The following GGT1 variants were observed in gnomAD, a reference collection of about 807,000 sequenced individuals.
GGT1 encodes the protein gamma-glutamyltransferase 1.
Under a neutral mutation model 56.0 loss-of-function variants are expected in GGT1, and 21 were observed. That is an observed-to-expected ratio of 0.38 (90% CI 0.27 to 0.54). The LOEUF is 0.54. GGT1 is among the 20% of genes least tolerant of loss of function. The pLI is 0.82. For missense variants in GGT1, 466 were observed against 787.0 expected, an observed-to-expected ratio of 0.59 and a Z score of 4.88; for synonymous variants, 238 against 342.6, an observed-to-expected ratio of 0.69 and a Z score of 3.37.
In GGT1 at chr22:24,605,083, G is replaced by GTATATTATATAATATGTATTATATTA. The variant is rs1245719560; in HGVS notation, c.-429+1575_-429+1600dup. On this transcript the variant is annotated intron_variant, in intron 1 of 15. Transcript: ENST00000400382. Reference sequence around the variant, plus strand: ...TTATATGTAATATATAATATATAAAGTATATTATATAATATGTATTATATT... The same window carrying GTATATTATATAATATGTATTATATTA: ...TTATATGTAATATATAATATATAAAGTATATTATATAATATGTATTATATTATATATTATATAATATGTATTATATT... Among the ~76,000 whole-genome samples the GTATATTATATAATATGTATTATATTA allele has an allele frequency of 3.1e-4, 5 of 16,052 alleles. 1 individual carries two copies. Among genetic ancestry groups the GTATATTATATAATATGTATTATATTA allele is most frequent in the South Asian group, 1.1e-3 (1 of 888 alleles). The allele number at this position is 16,052 out of a possible 152,430, so 10.5% of individuals were successfully genotyped here.
upstream of GGT1, chr22:24,589,863 G>A (rs753380913): frequency 6.2e-7 from 1 of 1,613,974 alleles, no homozygotes; most frequent in Non-Finnish European, 8.5e-7. Flanking sequence ...TCACAAGCAG[G>A]TCATGGGAGA....
chr22:24,608,501 T>C (rs1321352490), intron 2 of GGT1, among the ~76,000 whole-genome samples: 1 of 152,202 alleles, frequency 6.6e-6, no homozygotes, highest in Non-Finnish European at 1.5e-5. Context: ...CTGGGAGAGA[T>C]GAGGCCATGC....
At chr22:24,590,306 A>AG (rs201569152), upstream of GGT1, among the ~76,000 whole-genome samples, 1,536 of 152,144 alleles carry the variant, frequency 0.01, 26 homozygotes, top group African/African-American at 0.035. Context: ...TAAAAAAAAA[A>AG]TGTTTTGTAG....
chr22:24,610,440 C>T lies in GGT1; in HGVS notation c.-99C>T, dbSNP rs895936704. The T allele has an allele frequency of 6.0e-5, 10 of 167,114 alleles. No homozygotes were observed. In the East Asian group the frequency reaches 8.9e-4, roughly 15 times the overall value. 10.4% of individuals were successfully genotyped at this position (167,114 alleles called of 1,614,324 possible). On this transcript the variant is annotated 5_prime_UTR_variant, in exon 4 of 16. Transcript: ENST00000400382. ...CTTCAGCAGAGTGTGAGGGAGACCC[C>T]GGTTATTTCCTCAGCTATTTCCACC...
chr22:24,589,242 C>T, the GGT1 span: 5 of 1,267,494 alleles, frequency 3.9e-6, no homozygotes, highest in Non-Finnish European at 5.2e-6. Context: ...TCTGCAGGTG[C>T]TGTCAGCATG....
chr22:24,626,084 C>G lies in GGT1; in HGVS notation c.1021-1348C>G, dbSNP rs561284775. Among the ~76,000 whole-genome samples the G allele has an allele frequency of 4.4e-5, 6 of 136,554 alleles. No homozygotes were observed. In the East Asian group the frequency reaches 1.2e-3, roughly 27 times the overall value. The allele number at this position is 136,554 out of a possible 152,430, so 89.6% of individuals were successfully genotyped here. On this transcript the variant is annotated intron_variant, in intron 11 of 15. Transcript: ENST00000400382. ...CTCCGCTCACTGCAAGCTCCGCCTC[C>G]CAGGTTCACGCCATTCTCCTGCCTC... is the stretch of plus-strand genomic sequence containing the variant.
intron 9 of GGT1, 101 bp downstream of exon 9, chr22:24,621,171 A>G (rs2047388469): frequency 9.4e-6 from 14 of 1,483,544 alleles, no homozygotes; most frequent in Non-Finnish European, 1.3e-5. Context: ...CTGAGCCTGC[A>G]GGAAGTTCCT....
At chr22:24,589,817 TCAC>T, upstream of GGT1, 1 of 1,611,306 alleles carries the variant, frequency 6.2e-7, no homozygotes, top group Non-Finnish European at 8.5e-7. Context: ...CCTGCCAGCC[TCAC>T]CTTCTTGGGG....
intron 1 of GGT1, among the ~76,000 whole-genome samples, chr22:24,596,000 A>G (rs2045686329): frequency 6.6e-6 from 1 of 152,260 alleles, no homozygotes; most frequent in Admixed American, 6.5e-5. Context: ...GCTAGGAGGA[A>G]GGAAGCAGAT....
chr22:24,600,518 C>T (rs1359788453), upstream of GGT1, among the ~76,000 whole-genome samples: 8 of 152,202 alleles, frequency 5.3e-5, no homozygotes, highest in Non-Finnish European at 1.0e-4. Flanking sequence ...GAAGGGCCCA[C>T]GCACTTGGCC....
the GGT1 span, chr22:24,583,858 AGTGGTGG>A: frequency 2.2e-6 from 1 of 462,392 alleles, no homozygotes. Flanking sequence ...GCTTAGGGCC[AGTGGTGG>A]GCAGGGAGTC....
intron 11 of GGT1, 36 bp downstream of exon 11, chr22:24,623,952 G>A (rs766149044): frequency 1.1e-4 from 181 of 1,588,078 alleles, no homozygotes; most frequent in Non-Finnish European, 1.5e-4. Context: ...TGGGTGTGGG[G>A]CCTGCCATAG....
intron 1 of GGT1, chr22:24,594,907 C>T (rs572926672): frequency 1.3e-5 from 2 of 152,532 alleles, no homozygotes; most frequent in Non-Finnish European, 2.9e-5. Context: ...CTCCTCTTCC[C>T]CTGCAGCCTC....
rs373428404 is a variant in GGT1 at position 24,623,213 on chromosome 22, G to A, written c.840G>A (p.Pro280=). The A allele has an allele frequency of 1.3e-4, 210 of 1,599,260 alleles. No homozygotes were observed. In the African/African-American group the frequency reaches 1.7e-3, roughly 13 times the overall value. The part of the protein sequence containing the change: ...GDVVLYMPSA[P]LSGPVLALIL... ...TGGTGCTGTACATGCCCAGTGCGCC[G>A]CTCAGCGGGCCCGTGCTGGCCCTCA... Residue 280 remains proline (P), a synonymous_variant, in exon 10 of 16, where the codon CCG becomes CCA. Transcript: ENST00000400382.
chr22:24,595,408 C>T (rs1279512598), intron 1 of GGT1, among the ~76,000 whole-genome samples: 5 of 152,214 alleles, frequency 3.3e-5, no homozygotes, highest in East Asian at 1.9e-4. Flanking sequence ...GTGTTCTTCA[C>T]GGAGGGCTGC....
upstream of GGT1, chr22:24,589,932 C>A: frequency 6.2e-7 from 1 of 1,604,664 alleles, no homozygotes; most frequent in South Asian, 1.1e-5. Flanking sequence ...GAAGGAGGGT[C>A]CTCTCAAGGC....
At chr22:24,615,584 T>A (rs1488734188) in intron 7 of GGT1, among the ~76,000 whole-genome samples, 1 of 152,126 alleles carries the variant, frequency 6.6e-6, no homozygotes, top group Non-Finnish European at 1.5e-5. Context: ...GTGGTGAAGC[T>A]AAAATTGAAC....
chr22:24,613,278 T>C (rs183311847), intron 5 of GGT1, among the ~76,000 whole-genome samples: 1 of 152,102 alleles, frequency 6.6e-6, no homozygotes, highest in Admixed American at 6.5e-5. Flanking sequence ...CTCACTCTAT[T>C]GCCCAGGCTG....
rs758796301 is a variant in GGT1 at position 24,628,375 on chromosome 22, G to C, written c.1550G>C (p.Arg517Thr). ...CTGCCCAACGTCACGACAGTGGAGAGAAACATTGACCAGGTGGGCCGGGGG... is the reference window on the plus strand; with the variant it reads ...CTGCCCAACGTCACGACAGTGGAGACAAACATTGACCAGGTGGGCCGGGGG... ...QLLPNVTTVE[R>T]NIDQAVTAAL... is the part of the protein sequence containing the mutation. The change falls in exon 15 of 16, where the codon AGA becomes ACA. Residue 517 changes from arginine (R) to threonine (T), a missense_variant. Coordinates refer to ENST00000400382, the MANE Select transcript of GGT1 (RefSeq NM_001288833.2). The surrounding 1 kb of genome is among the most constrained non-coding windows in gnomAD (Gnocchi z 5.7). 28 of 1,611,232 alleles carry C rather than the reference G, an allele frequency of 1.7e-5. No homozygotes were observed. The South Asian group carries it at 3.0e-4, about 17-fold the overall frequency.
Sources: allele counts gnomAD v4.1 joint callset (sites outside exome capture counted in the v4.1 genomes callset), GRCh38; gene constraint gnomAD v4.1.1; non-coding constraint Gnocchi (gnomAD v3.1); transcripts MANE v1.5; gene names NCBI Gene and HGNC (gene_info 2026-07-23, HGNC 2026-07-21).